Variants in ACBD5 observed in about 807,000 individuals in gnomAD.
The protein encoded by ACBD5 is acyl-CoA-binding domain-containing protein 5.
In ACBD5, 40 loss-of-function variants were observed where a neutral mutation model predicts 71.8. The observed-to-expected ratio is 0.56, with a 90% CI of 0.43 to 0.72. The LOEUF (loss-of-function observed/expected upper bound fraction) is 0.72, where lower values mean the gene tolerates loss of function less well. Among genes scored for constraint, ACBD5 ranks in the 30% least tolerant of loss-of-function variants. The pLI is 0.00. For missense variants in ACBD5, 559 were observed against 644.5 expected, an observed-to-expected ratio of 0.87 and a Z score of 1.44; for synonymous variants, 229 against 218.6, an observed-to-expected ratio of 1.05 and a Z score of -0.42.
In ACBD5 at chr10:27,240,370, C is replaced by G; in HGVS notation, c.130G>C (p.Glu44Gln). 1.2e-6 allele frequency: 2 copies of G among 1,614,086 alleles called. No homozygotes were observed. The highest frequency in any genetic ancestry group is 1.7e-6 in the Non-Finnish European group (2 of 1,180,018). Residue 44 changes from glutamate to glutamine, a missense_variant, in exon 2 of 13, where the codon GAG becomes CAG. By Grantham distance (29) the Glu-to-Gln change is conservative. Transcript: ENST00000396271. The surrounding 1 kb of genome is among the most constrained non-coding windows in gnomAD (Gnocchi z 4.1). ...LEMADTRSVH[E>Q]TRFEAAVKVI... ...TTCACGGCCGCCTCAAACCTAGTCT[C>G]GTGCACGGATCTCGTGTCCGCCATC...
chr10:27,229,804 T>C (rs979752562), intron 4 of ACBD5, among the ~76,000 whole-genome samples: 2 of 152,186 alleles, frequency 1.3e-5, no homozygotes, highest in Admixed American at 6.5e-5. Context: ...ACCTCTAAAA[T>C]TGCACTGTAA....
chr10:27,201,023 T>C (rs1319058989), intron 12 of ACBD5, among the ~76,000 whole-genome samples: 1 of 151,980 alleles, frequency 6.6e-6, no homozygotes, highest in Admixed American at 6.6e-5. Context: ...AATAAGACAG[T>C]TAGTTGACAC....
intron 4 of ACBD5, among the ~76,000 whole-genome samples, chr10:27,228,532 G>C (rs2063377235): frequency 6.6e-6 from 1 of 151,476 alleles, no homozygotes; most frequent in Non-Finnish European, 1.5e-5. Context: ...AGCCAAGATG[G>C]CGCCGTTACA....
chr10:27,212,717 T>C (rs2061233783), intron 8 of ACBD5, among the ~76,000 whole-genome samples: 1 of 151,968 alleles, frequency 6.6e-6, no homozygotes. Flanking sequence ...CTGGCTAAGT[T>C]TTTTATTTTT....
chr10:27,191,060 ACACTCTT>A (rs2136351958), downstream of ACBD5, among the ~76,000 whole-genome samples: 1 of 152,332 alleles, frequency 6.6e-6, no homozygotes, highest in African/African-American at 2.4e-5. Context: ...AAATTCTTTT[ACACTCTT>A]CCTTCAACAG....
Position 27,186,764 on chromosome 10 carries a change from T to C in ACBD5, c.1494-4049A>G, listed in dbSNP as rs1338. 321,288 of 529,752 alleles carry C rather than the reference T, an allele frequency of 0.61. 98,968 individuals are homozygous for C. Among genetic ancestry groups the C allele is most frequent in the Non-Finnish European group, 0.65 (192,959 of 296,538 alleles). 32.8% of individuals were successfully genotyped at this position (529,752 alleles called of 1,614,324 possible). A position where few individuals can be genotyped will look rare whatever the true frequency, so the allele number is the denominator to read the frequency against. On this transcript the variant is annotated intron_variant, in intron 13 of 13. Coordinates refer to the ACBD5 transcript ENST00000676511. ...TATAAATCTTCAAAGCTTTTTTCATTTATTTATTTTGTTTATTGCACTTTA... is the reference window on the plus strand; with the variant it reads ...TATAAATCTTCAAAGCTTTTTTCATCTATTTATTTTGTTTATTGCACTTTA...
Position 27,189,640 on chromosome 10 carries a change from T to A in ACBD5, c.1494-6925A>T, listed in dbSNP as rs949975073. ...CCTGTTGTGGGGTGGGGGGGAGGGATAGCATTAGGAGATATACCTAATGTA... is the reference window on the plus strand; with the variant it reads ...CCTGTTGTGGGGTGGGGGGGAGGGAAAGCATTAGGAGATATACCTAATGTA... On this transcript the variant is annotated intron_variant, in intron 13 of 13. Transcript: ENST00000676511. Among the ~76,000 whole-genome samples, 7 of 141,424 alleles carry A rather than the reference T, an allele frequency of 4.9e-5. 1 individual carries two copies. The highest frequency in any genetic ancestry group is 1.4e-4 in the Admixed American group (2 of 14,122). The allele number at this position is 141,424 out of a possible 152,430, so 92.8% of individuals were successfully genotyped here.
intron 2 of ACBD5, among the ~76,000 whole-genome samples, chr10:27,235,652 T>C (rs2064569801): frequency 6.6e-6 from 1 of 152,196 alleles, no homozygotes; most frequent in Admixed American, 6.5e-5. Context: ...TCTCAGTAGA[T>C]AAGGAATTTG....
chr10:27,229,208 A>C (rs2800398), intron 4 of ACBD5, among the ~76,000 whole-genome samples: 117,807 of 151,874 alleles, frequency 0.78, 45,946 homozygotes, highest in African/African-American at 0.86. Context: ...TCTACAAAAC[A>C]TCATTATAAA....
intron 12 of ACBD5, among the ~76,000 whole-genome samples, chr10:27,202,911 A>C (rs2060067587): frequency 6.6e-6 from 1 of 150,530 alleles, no homozygotes; most frequent in South Asian, 2.1e-4. Flanking sequence ...CCATCATAGG[A>C]GGAATTGAAA....
chr10:27,233,537 T>G (rs1410547119), intron 3 of ACBD5, among the ~76,000 whole-genome samples: 1 of 150,182 alleles, frequency 6.7e-6, no homozygotes, highest in Non-Finnish European at 1.5e-5. Context: ...GGGCAACACA[T>G]GCAAACCCCG....
rs187796844 is a variant in ACBD5 at position 27,187,883 on chromosome 10, C to G, written c.1494-5168G>C. Among the ~76,000 whole-genome samples the G allele has an allele frequency of 3.4e-3, 517 of 152,210 alleles. 2 individuals carry two copies. Among genetic ancestry groups the G allele is most frequent in the African/African-American group, 0.012 (493 of 41,546 alleles). ...ATTTATTTAAAACATGCAACATTAT[C>G]AGAAACAGATTGGTCCTTAAAAAAC... On this transcript the variant is annotated intron_variant, in intron 13 of 13. Transcript: ENST00000676511.
At position 27,208,250 on chromosome 10, in the gene ACBD5, A is replaced by C. The variant is rs1262669272; in HGVS notation, c.1400T>G (p.Leu467Trp). The C allele has an allele frequency of 6.2e-7, 1 of 1,614,072 alleles. No homozygotes were observed. The highest frequency in any genetic ancestry group is 8.5e-7 in the Non-Finnish European group (1 of 1,180,034). Residue 467 changes from leucine (L) to tryptophan (W), a missense_variant, in exon 10 of 13, where the codon TTG becomes TGG. Leu to Trp is a moderately conservative substitution (Grantham distance 61, BLOSUM62 -2). Transcript: ENST00000396271. ...RLQKLETLTA[L>W]QAKSSTSTLQ... ...ATGATACATTTGGAAGTTTACCTGC[A>C]AAGCAGTCAGCGTTTCCAGTTTCTG... is the stretch of plus-strand genomic sequence containing the variant.
At chr10:27,185,798 AAG>A (rs2058689529) in intron 13 of ACBD5, among the ~76,000 whole-genome samples, 2 of 149,280 alleles carry the variant, frequency 1.3e-5, no homozygotes, top group Non-Finnish European at 3.0e-5. Flanking sequence ...AAAAAAAAAA[AAG>A]ATGTGAGTGC....
intron 3 of ACBD5, 65 bp from the exon 4 acceptor site, chr10:27,231,885 T>A: frequency 7.0e-7 from 1 of 1,429,216 alleles, no homozygotes; most frequent in Non-Finnish European, 9.8e-7. Flanking sequence ...AGAATACAAT[T>A]TATAGTTGAT....
chr10:27,185,333 T>C (rs2058625602), intron 13 of ACBD5, among the ~76,000 whole-genome samples: 1 of 152,138 alleles, frequency 6.6e-6, no homozygotes, highest in Non-Finnish European at 1.5e-5. Flanking sequence ...TCAGGGATTC[T>C]TTAACAAGAT....
intron 6 of ACBD5, among the ~76,000 whole-genome samples, chr10:27,218,915 C>T (rs1398922740): frequency 6.6e-6 from 1 of 152,090 alleles, no homozygotes; most frequent in African/African-American, 2.4e-5. Context: ...TTCTGTCTCC[C>T]CTTTTGAAAA....
rs1250249841 is a variant in ACBD5 at position 27,195,862 on chromosome 10, C to G, written c.*1568G>C. On this transcript the variant is annotated 3_prime_UTR_variant, in exon 13 of 13. Transcript: ENST00000396271. Reference sequence around the variant, plus strand: ...TATTTCTTATTTAAAACACTGTGAACATATGATGTTAAACCCAACATCATA... The same window carrying G: ...TATTTCTTATTTAAAACACTGTGAAGATATGATGTTAAACCCAACATCATA... 2.2e-6 allele frequency: 1 copy of G among 452,354 alleles called. No individual in the cohort carries two copies. Among genetic ancestry groups the G allele is most frequent in the East Asian group, 7.0e-5 (1 of 14,364 alleles). The allele number at this position is 452,354 out of a possible 1,614,324, so 28.0% of individuals were successfully genotyped here. A position where few individuals can be genotyped will look rare whatever the true frequency, so the allele number is the denominator to read the frequency against.
chr10:27,201,574 G>A (rs4747590), intron 12 of ACBD5, among the ~76,000 whole-genome samples: 11,440 of 152,232 alleles, frequency 0.075, 605 homozygotes, highest in South Asian at 0.16. Context: ...AAGCCGAGGC[G>A]GCTGGATCAC....
Sources: allele counts gnomAD v4.1 joint callset (sites outside exome capture counted in the v4.1 genomes callset), GRCh38; gene constraint gnomAD v4.1.1; non-coding constraint Gnocchi (gnomAD v3.1); transcripts MANE v1.5; gene names NCBI Gene and HGNC (gene_info 2026-07-23, HGNC 2026-07-21).